The following SNX32 variants were observed in gnomAD, a reference collection of about 807,000 sequenced individuals.
The protein encoded by SNX32 is sorting nexin 32.
A neutral mutation model predicts 57.0 loss-of-function variants in SNX32; 58 were observed. That is an observed-to-expected ratio of 1.02 (90% CI 0.82 to 1.27). SNX32 has a LOEUF of 1.27. Among genes scored for constraint, SNX32 ranks in the 50% most tolerant of loss-of-function variants. The pLI is 0.00. For synonymous variants in SNX32, 262 were observed against 220.4 expected, an observed-to-expected ratio of 1.19 and a Z score of -1.67; for missense variants, 589 against 541.2, an observed-to-expected ratio of 1.09 and a Z score of -0.88.
intron 1 of SNX32, among the ~76,000 whole-genome samples, chr11:65,843,216 G>T (rs1392323781): frequency 3.5e-5 from 2 of 56,502 alleles, no homozygotes; most frequent in Non-Finnish European, 8.9e-5. Flanking sequence ...GCAAGACTCC[G>T]TCTCAAAAAA....
chr11:65,839,215 A>ATTTTTTTGTTTTTTTTTT (rs1858753157), intron 1 of SNX32, among the ~76,000 whole-genome samples: 1 of 19,532 alleles, frequency 5.1e-5, no homozygotes, highest in Non-Finnish European at 1.2e-4. Flanking sequence ...CGCCCAGCTA[A>ATTTTTTTGTTTTTTTTTT]TTTTTTTGTA....
At chr11:65,844,454 TA>T (rs1565248901) in intron 1 of SNX32, among the ~76,000 whole-genome samples, 12 of 148,902 alleles carry the variant, frequency 8.1e-5, no homozygotes, top group African/African-American at 3.0e-4. Flanking sequence ...AAAAAAATAA[TA>T]AATAGAGAGA....
chr11:65,850,379 G>A, intron 4 of SNX32, 52 bp from the exon 5 acceptor site: 2 of 1,612,698 alleles, frequency 1.2e-6, no homozygotes, highest in Non-Finnish European at 1.7e-6. Flanking sequence ...AAAGGGGGCA[G>A]GCAGGATGAT....
chr11:65,835,332 G>A (rs1858638798), intron 1 of SNX32, among the ~76,000 whole-genome samples: 1 of 136,890 alleles, frequency 7.3e-6, no homozygotes, highest in Non-Finnish European at 1.6e-5. Flanking sequence ...GGGTAGGTGG[G>A]TAGGGGGTGG....
chr11:65,842,717 AG>A (rs577221806), intron 1 of SNX32, among the ~76,000 whole-genome samples: 3 of 151,184 alleles, frequency 2.0e-5, no homozygotes, highest in Admixed American at 6.6e-5. Context: ...TGGGAGAACA[AG>A]GGGGGGTGGA....
At chr11:65,849,058 C>T (rs1353470796) in intron 1 of SNX32, among the ~76,000 whole-genome samples, 2 of 152,102 alleles carry the variant, frequency 1.3e-5, no homozygotes, top group Admixed American at 6.6e-5. Context: ...GCAGCAGAAT[C>T]GCTTGAACCC....
At chr11:65,842,834 C>G (rs1858879553) in intron 1 of SNX32, among the ~76,000 whole-genome samples, 1 of 148,142 alleles carries the variant, frequency 6.8e-6, no homozygotes, top group African/African-American at 2.5e-5. Flanking sequence ...CCTGTAATCT[C>G]AGCTACTTGG....
At chr11:65,843,377 T>A (rs2134692785) in intron 1 of SNX32, among the ~76,000 whole-genome samples, 1 of 152,134 alleles carries the variant, frequency 6.6e-6, no homozygotes, top group Admixed American at 6.6e-5. Context: ...GAGACCAGCC[T>A]GGCCAAAAGA....
At chr11:65,851,192 C>T (rs1174259301) in intron 7 of SNX32, 32 bp downstream of exon 7, 3 of 1,605,168 alleles carry the variant, frequency 1.9e-6, no homozygotes, top group South Asian at 1.1e-5. Flanking sequence ...CTGGATCCCC[C>T]TGCCCCTCTC....
Position 65,853,434 on chromosome 11 carries a change from C to T in SNX32, c.*99C>T. The T allele has an allele frequency of 8.4e-7, 1 of 1,184,146 alleles. No homozygotes were observed. The highest frequency in any genetic ancestry group is 1.2e-6 in the Non-Finnish European group (1 of 800,540). The allele number at this position is 1,184,146 out of a possible 1,614,324, so 73.4% of individuals were successfully genotyped here. On this transcript the variant is annotated 3_prime_UTR_variant, in exon 13 of 13. Coordinates refer to ENST00000308342, the MANE Select transcript of SNX32 (RefSeq NM_152760.3). ...AAGATGTCTCCTTCCCTAGCAGTGC[C>T]ACTAGCCACACCCTCACTCTGCCCC...
In SNX32 at chr11:65,852,635, G is replaced by A. The variant is rs1859239737; in HGVS notation, c.918G>A (p.Leu306=). ...YMRDSQAAKD[L]LYRRLRALAD... is the part of the protein sequence containing the mutation. ...CCCTGTGCCCATGGTCCTAGGACCT[G>A]CTGTACCGGCGGCTGCGGGCACTGG... The change falls in exon 11 of 13, where the codon CTG becomes CTA. Residue 306 remains leucine (L), a synonymous_variant. Coordinates refer to ENST00000308342, the MANE Select transcript of SNX32 (RefSeq NM_152760.3). 2 of 1,610,142 alleles carry A rather than the reference G, an allele frequency of 1.2e-6. No individual in the cohort carries two copies. Among genetic ancestry groups the A allele is most frequent in the Admixed American group, 1.7e-5 (1 of 59,526 alleles).
In SNX32 at chr11:65,850,543, TATGGACAGG is replaced by T; in HGVS notation, c.491_498+1del. 1 of 1,609,566 alleles carries T rather than the reference TATGGACAGG, an allele frequency of 6.2e-7. No homozygotes were observed. Among genetic ancestry groups the T allele is most frequent in the South Asian group, 1.1e-5 (1 of 90,456 alleles). The stretch of plus-strand genomic sequence containing the variant: ...CCACAACTTCTTTGTGTTTTTGGAA[TATGGACAGG>T]ATGTGAGCTGGGCCGAATCCCTGGG... On this transcript the variant is annotated inframe_deletion and splice_region_variant, in exon 5 of 13. Coordinates refer to ENST00000308342, the MANE Select transcript of SNX32 (RefSeq NM_152760.3).
rs1480956229 is a variant in SNX32 at position 65,849,533 on chromosome 11, C to G, written c.92C>G (p.Ser31Cys). 1 of 1,614,194 alleles carries G rather than the reference C, an allele frequency of 6.2e-7. No homozygotes were observed. The highest frequency in any genetic ancestry group is 1.1e-5 in the South Asian group (1 of 91,084). Reference sequence around the variant, plus strand: ...GACAGCTCCTTACAGGTGGAGATTTCTGACGCAGTGAGTGAGCGGGACAAG... The same window carrying G: ...GACAGCTCCTTACAGGTGGAGATTTGTGACGCAGTGAGTGAGCGGGACAAG... ...QGDSSLQVEI[S>C]DAVSERDKVK... The change falls in exon 2 of 13, where the codon TCT becomes TGT. Residue 31 changes from serine to cysteine, a missense_variant. Transcript: ENST00000308342.
At chr11:65,852,303 T>C (rs1414760659) in intron 9 of SNX32, among the ~76,000 whole-genome samples, 162 bp from the exon 10 acceptor site, 5 of 152,004 alleles carry the variant, frequency 3.3e-5, no homozygotes, top group Admixed American at 3.3e-4. Context: ...AGATCCCACT[T>C]CCTCTGTGAA....
chr11:65,842,062 A>G (rs140517912), intron 1 of SNX32, among the ~76,000 whole-genome samples: 1 of 152,226 alleles, frequency 6.6e-6, no homozygotes, highest in Non-Finnish European at 1.5e-5. Context: ...TATAATAGCC[A>G]AAATTATTTT....
intron 1 of SNX32, among the ~76,000 whole-genome samples, chr11:65,841,583 T>C (rs1213822781): frequency 1.3e-5 from 2 of 151,856 alleles, no homozygotes; most frequent in African/African-American, 4.8e-5. Context: ...TTTTAAAATA[T>C]AATTTAAAAA....
chr11:65,839,225 ATTTTTTTTTTT>A lies in SNX32; in HGVS notation c.36+5136_36+5146del, dbSNP rs1168882508. Among the ~76,000 whole-genome samples the A allele has an allele frequency of 1.8e-4, 5 of 27,622 alleles. 1 individual carries two copies. Among genetic ancestry groups the A allele is most frequent in the East Asian group, 1.5e-3 (1 of 668 alleles). The allele number at this position is 27,622 out of a possible 152,430, so 18.1% of individuals were successfully genotyped here. On this transcript the variant is annotated intron_variant, in intron 1 of 12. Coordinates refer to ENST00000308342, the MANE Select transcript of SNX32 (RefSeq NM_152760.3). Reference sequence around the variant, plus strand: ...CACCACGCCCAGCTAATTTTTTTGTATTTTTTTTTTTTTTTTTTTTTTGAGACGGAGTCTCG... The same window carrying A: ...CACCACGCCCAGCTAATTTTTTTGTATTTTTTTTTTTGAGACGGAGTCTCG...
intron 1 of SNX32, among the ~76,000 whole-genome samples, chr11:65,838,939 G>A (rs1027572234): frequency 2.6e-5 from 4 of 151,704 alleles, no homozygotes; most frequent in Admixed American, 1.3e-4. Context: ...ATGACATATC[G>A]AAACTCATAA....
chr11:65,853,590 C>CGGGGAG lies in SNX32; in HGVS notation c.*255_*256insGGGGAG, dbSNP rs1399376460. On this transcript the variant is annotated 3_prime_UTR_variant, in exon 13 of 13. Transcript: ENST00000308342. The stretch of plus-strand genomic sequence containing the variant: ...AGCCCCAGGGACCCTGACACCTCTC[C>CGGGGAG]CCAGGAAGCTGAGGAACAGCCTCTA... The CGGGGAG allele has an allele frequency of 1.8e-6, 1 of 567,296 alleles. No individual in the cohort carries two copies. The highest frequency in any genetic ancestry group is 3.1e-5 in the Admixed American group (1 of 32,488). The allele number at this position is 567,296 out of a possible 1,614,324, so 35.1% of individuals were successfully genotyped here.
Sources: allele counts gnomAD v4.1 joint callset (sites outside exome capture counted in the v4.1 genomes callset), GRCh38; gene constraint gnomAD v4.1.1; transcripts MANE v1.5; gene names NCBI Gene and HGNC (gene_info 2026-07-23, HGNC 2026-07-21).